The following MYLK3 variants were observed in gnomAD, a reference collection of about 807,000 sequenced individuals.
MYLK3 encodes myosin light chain kinase 3.
In MYLK3, 55 loss-of-function variants were observed where a neutral mutation model predicts 76.3. The observed-to-expected ratio is 0.72, with a 90% CI of 0.58 to 0.90. MYLK3 has a LOEUF of 0.90. MYLK3 is among the 40% of genes least tolerant of loss of function. MYLK3 has a pLI of 0.00. For synonymous variants in MYLK3, 416 were observed against 425.4 expected (o/e 0.98, Z 0.27); for missense variants, 973 against 1,053.6 (o/e 0.92, Z 1.06).
chr16:46,711,409 G>A (rs1461652440), intron 10 of MYLK3, among the ~76,000 whole-genome samples: 1 of 152,204 alleles, frequency 6.6e-6, no homozygotes. Flanking sequence ...GCCAGACAGA[G>A]AAGAAAACAG....
intron 10 of MYLK3, chr16:46,710,999 G>T: frequency 1.7e-6 from 1 of 581,056 alleles, no homozygotes; most frequent in Non-Finnish European, 3.0e-6. Flanking sequence ...GAGGCAAGAA[G>T]AATTTTTGGA....
rs962337723 is a variant in MYLK3 at position 46,702,516 on chromosome 16, A to T, written c.*5188T>A. The stretch of plus-strand genomic sequence containing the variant: ...CAAAATTAATAGTAACTATCATCAA[A>T]TGTGAAATTCATAATCTAAATGTCT... On this transcript the variant is annotated 3_prime_UTR_variant, in exon 13 of 13. Coordinates refer to ENST00000394809, the MANE Select transcript of MYLK3 (RefSeq NM_182493.3). Among the ~76,000 whole-genome samples, 5 of 152,240 alleles carry T rather than the reference A, an allele frequency of 3.3e-5. No individual in the cohort carries two copies. The highest frequency in any genetic ancestry group is 1.2e-4 in the African/African-American group (5 of 41,462).
chr16:46,703,901 A>G lies in MYLK3; in HGVS notation c.*3803T>C, dbSNP rs915316194. 6.5e-6 allele frequency: 1 copy of G among 153,806 alleles called. No individual in the cohort carries two copies. Among genetic ancestry groups the G allele is most frequent in the Non-Finnish European group, 1.5e-5 (1 of 68,048 alleles). 9.5% of individuals were successfully genotyped at this position (153,806 alleles called of 1,614,324 possible). On this transcript the variant is annotated 3_prime_UTR_variant, in exon 13 of 13. Coordinates refer to ENST00000394809, the MANE Select transcript of MYLK3 (RefSeq NM_182493.3). ...CTTAAAATGTGGCTAGTGCAACTGCAGAACTGAATTTCTAATTTTATTTAA... is the reference window on the plus strand; with the variant it reads ...CTTAAAATGTGGCTAGTGCAACTGCGGAACTGAATTTCTAATTTTATTTAA...
intron 12 of MYLK3, among the ~76,000 whole-genome samples, chr16:46,708,285 A>C (rs565504027): frequency 6.6e-6 from 1 of 152,196 alleles, no homozygotes. Context: ...ATTTTTCATC[A>C]GCCTACATCA....
intron 9 of MYLK3, among the ~76,000 whole-genome samples, chr16:46,714,481 C>G (rs414928): frequency 0.98 from 148,459 of 152,052 alleles, 72,566 homozygotes; most frequent in East Asian, 1. Flanking sequence ...GACTGGGCCT[C>G]GGGGGGCAAG....
In MYLK3 at chr16:46,739,937, A is replaced by C. The variant is rs116854932; in HGVS notation, c.568+120T>G. On this transcript the variant is annotated intron_variant, in intron 2 of 12. Transcript: ENST00000394809. ...ATATGACAAAAAACCCTGCAAAAAC[A>C]AGAAAAAAAGAAGCTTTGACAGTTG... The C allele has an allele frequency of 3.7e-3, 2,631 of 719,010 alleles. 78 individuals carry two copies. In the East Asian group the frequency reaches 0.057, roughly 16 times the overall value. The allele number at this position is 719,010 out of a possible 1,614,324, so 44.5% of individuals were successfully genotyped here.
At chr16:46,744,613 A>T (rs1038635707) in intron 1 of MYLK3, among the ~76,000 whole-genome samples, 9 of 151,946 alleles carry the variant, frequency 5.9e-5, no homozygotes, top group Admixed American at 5.2e-4. Context: ...AAGTGCTGGG[A>T]TTACAGGCTT....
chr16:46,751,967 G>T (rs761597168), upstream of MYLK3, among the ~76,000 whole-genome samples: 29 of 152,196 alleles, frequency 1.9e-4, no homozygotes, highest in Non-Finnish European at 3.7e-4. Flanking sequence ...CCAGAGGATG[G>T]GGAGGCATTG....
At chr16:46,714,439 G>A (rs894257110) in intron 9 of MYLK3, among the ~76,000 whole-genome samples, 1 of 152,216 alleles carries the variant, frequency 6.6e-6, no homozygotes, top group Non-Finnish European at 1.5e-5. Context: ...AGCCCATCCA[G>A]TGAAAGAGCA....
chr16:46,761,306 CAT>C (rs1198556977), intron 1 of MYLK3, among the ~76,000 whole-genome samples: 1 of 152,190 alleles, frequency 6.6e-6, no homozygotes, highest in East Asian at 1.9e-4. Flanking sequence ...TAGGCCGAGA[CAT>C]ACAGACCTGA....
At chr16:46,732,734 G>A in intron 3 of MYLK3, 66 bp from the exon 4 acceptor site, 1 of 1,271,878 alleles carries the variant, frequency 7.9e-7, no homozygotes, top group South Asian at 1.6e-5. Flanking sequence ...ACAGACGTGG[G>A]TTCCAATGCC....
At chr16:46,757,998 T>C (rs1234312997) in intron 1 of MYLK3, among the ~76,000 whole-genome samples, 1 of 152,110 alleles carries the variant, frequency 6.6e-6, no homozygotes, top group Non-Finnish European at 1.5e-5. Flanking sequence ...GGGCTGCTTG[T>C]ACCCTGGCCG....
intron 9 of MYLK3, among the ~76,000 whole-genome samples, chr16:46,717,555 G>A (rs934959228): frequency 2.6e-5 from 4 of 151,286 alleles, no homozygotes; most frequent in South Asian, 2.1e-4. Flanking sequence ...GCACATACAC[G>A]GCATGCACCC....
chr16:46,721,320 G>C (rs1966797522), intron 8 of MYLK3, 127 bp from the exon 9 acceptor site: 1 of 757,556 alleles, frequency 1.3e-6, no homozygotes. Flanking sequence ...GCCCTGCAAG[G>C]GCTGGATAGA....
rs542851994 is a variant in MYLK3 at position 46,747,664 on chromosome 16, C to T, written c.477+53G>A. 38 of 1,549,514 alleles carry T rather than the reference C, an allele frequency of 2.5e-5. No individual in the cohort carries two copies. In the African/African-American group the frequency reaches 4.3e-4, roughly 18 times the overall value. On this transcript the variant is annotated intron_variant, in intron 1 of 12. Coordinates refer to ENST00000394809, the MANE Select transcript of MYLK3 (RefSeq NM_182493.3). ...CAAACACTGGCTGCCTGGCCAGTCT[C>T]CCACCAGGGCCGGGGCCTCCCATCC...
chr16:46,755,153 C>T (rs1460035879), intron 1 of MYLK3, among the ~76,000 whole-genome samples: 2 of 152,062 alleles, frequency 1.3e-5, no homozygotes, highest in African/African-American at 2.4e-5. Context: ...CCTGCCTCAG[C>T]CTACCAAAGT....
At chr16:46,731,521 C>T (rs1401420814) in intron 4 of MYLK3, among the ~76,000 whole-genome samples, 1 of 152,174 alleles carries the variant, frequency 6.6e-6, no homozygotes, top group Admixed American at 6.5e-5. Flanking sequence ...TCAGTGCTCG[C>T]CATGGGAGCA....
At chr16:46,757,367 C>A (rs1459919759) in intron 1 of MYLK3, 3 of 985,240 alleles carry the variant, frequency 3.0e-6, no homozygotes, top group African/African-American at 1.7e-5. Flanking sequence ...CCGTGCCCTA[C>A]CAATTGTTCC....
intron 7 of MYLK3, 27 bp downstream of exon 7, chr16:46,728,997 G>A: frequency 6.4e-7 from 1 of 1,574,232 alleles, no homozygotes; most frequent in Non-Finnish European, 8.7e-7. Flanking sequence ...CTTGAGCCGA[G>A]GCGGCCGCCC....
Sources: allele counts gnomAD v4.1 joint callset (sites outside exome capture counted in the v4.1 genomes callset), GRCh38; gene constraint gnomAD v4.1.1; transcripts MANE v1.5; gene names NCBI Gene and HGNC (gene_info 2026-07-23, HGNC 2026-07-21).